Variants in PCBP3 observed in about 807,000 individuals in gnomAD.
The protein encoded by PCBP3 is poly(rC) binding protein 3, also known as poly(rC)-binding protein 3.
Under a neutral mutation model 52.7 loss-of-function variants are expected in PCBP3, and 25 were observed. The ratio of observed to expected loss-of-function variants is 0.47; its 90% CI spans 0.35 to 0.66. The LOEUF is 0.66. Among genes scored for constraint, PCBP3 ranks in the 30% least tolerant of loss-of-function variants. The pLI, the probability that PCBP3 is intolerant of heterozygous loss-of-function variation, is 0.01. For synonymous variants in PCBP3, 162 were observed against 183.0 expected (o/e 0.89, Z 0.93); for missense variants, 391 against 490.3 (o/e 0.80, Z 1.91).
At chr21:45,779,089 C>T (rs1311363579) in intron 4 of PCBP3, among the ~76,000 whole-genome samples, 3 of 152,254 alleles carry the variant, frequency 2.0e-5, no homozygotes. Context: ...CCAGCAGCGA[C>T]AGCCTGAGTT....
intron 2 of PCBP3, among the ~76,000 whole-genome samples, chr21:45,713,905 G>A (rs1256232279): frequency 6.6e-6 from 1 of 152,362 alleles, no homozygotes; most frequent in East Asian, 1.9e-4. Context: ...TCTTATGAAA[G>A]GGGCCTGTTG....
chr21:45,743,159 G>T (rs1226843920), intron 3 of PCBP3, among the ~76,000 whole-genome samples: 1 of 151,926 alleles, frequency 6.6e-6, no homozygotes, highest in Non-Finnish European at 1.5e-5. Flanking sequence ...TGTGTTATTT[G>T]GTTATTGTAA....
At chr21:45,869,026 T>C (rs2094885702) in intron 5 of PCBP3, among the ~76,000 whole-genome samples, 1 of 152,244 alleles carries the variant, frequency 6.6e-6, no homozygotes, top group African/African-American at 2.4e-5. Flanking sequence ...ACCTGTGCGG[T>C]ATTTAGGGTT....
chr21:45,792,747 A>T (rs2091689030), intron 4 of PCBP3, among the ~76,000 whole-genome samples: 2 of 152,170 alleles, frequency 1.3e-5, no homozygotes, highest in African/African-American at 4.8e-5. Flanking sequence ...AGAAGAGTGG[A>T]AGTTAGGACG....
intron 2 of PCBP3, among the ~76,000 whole-genome samples, chr21:45,693,686 A>C (rs2147837249): frequency 6.6e-6 from 1 of 152,304 alleles, no homozygotes; most frequent in Non-Finnish European, 1.5e-5. Context: ...CTAGAATTCT[A>C]TACTCAGTGA....
chr21:45,888,069 G>C (rs1291660866), intron 5 of PCBP3, among the ~76,000 whole-genome samples: 2 of 152,202 alleles, frequency 1.3e-5, no homozygotes, highest in African/African-American at 4.8e-5. Context: ...GGAGCACTGG[G>C]GTCCTCACAC....
chr21:45,918,617 CGTCGGTGTA>C (rs2073912725), intron 13 of PCBP3: 3 of 131,416 alleles, frequency 2.3e-5, no homozygotes, highest in African/African-American at 3.2e-5. Flanking sequence ...TCAGATAAAC[CGTCGGTGTA>C]ATTCCAGTGC....
chr21:45,789,824 A>G (rs541367714), intron 4 of PCBP3, among the ~76,000 whole-genome samples: 1 of 152,200 alleles, frequency 6.6e-6, no homozygotes, highest in Non-Finnish European at 1.5e-5. Context: ...TTCTCGCCAA[A>G]TCGCTCTGGT....
At chr21:45,860,782 G>A (rs750128610) in intron 5 of PCBP3, among the ~76,000 whole-genome samples, 15 of 152,172 alleles carry the variant, frequency 9.9e-5, no homozygotes, top group Non-Finnish European at 1.9e-4. Context: ...GTGCCCCTCC[G>A]GCCGGCAGCG....
Position 45,917,451 on chromosome 21 carries a change from T to C in PCBP3, c.676-137T>C. 1.5e-6 allele frequency: 1 copy of C among 650,396 alleles called. No homozygotes were observed. The highest frequency in any genetic ancestry group is 2.7e-6 in the Non-Finnish European group (1 of 367,412). The allele number at this position is 650,396 out of a possible 1,614,324, so 40.3% of individuals were successfully genotyped here. A position where few individuals can be genotyped will look rare whatever the true frequency, so the allele number is the denominator to read the frequency against. ...CCCTGGGAGGGTTGGCCCTTTGTCC[T>C]AGGATGGGGACAGGTGGAGAGGCAC... On this transcript the variant is annotated intron_variant, in intron 12 of 17. Transcript: ENST00000681687. This position sits in a 1 kb window ranked among gnomAD's most constrained non-coding sequence, Gnocchi z 5.3.
intron 5 of PCBP3, among the ~76,000 whole-genome samples, chr21:45,881,625 C>G (rs2095407810): frequency 6.6e-6 from 1 of 152,158 alleles, no homozygotes; most frequent in Non-Finnish European, 1.5e-5. Context: ...ATACATTGTT[C>G]TTACCCATAG....
In PCBP3 at chr21:45,777,870, T is replaced by C. The variant is rs145130365; in HGVS notation, c.-126+22418T>C. 3.1e-4 allele frequency among the ~76,000 whole-genome samples: 47 copies of C among 152,178 alleles called. 1 individual carries two copies. The highest frequency in any genetic ancestry group is 1.1e-3 in the African/African-American group (45 of 41,590). On this transcript the variant is annotated intron_variant, in intron 4 of 17. Transcript: ENST00000681687. The stretch of plus-strand genomic sequence containing the variant: ...TCTCTTGTATCTCACTGAGCTTCCT[T>C]AAAATCAATATTTTGAATTCTTTAT...
intron 4 of PCBP3, among the ~76,000 whole-genome samples, chr21:45,847,329 G>T (rs571038010): frequency 1.1e-4 from 17 of 152,082 alleles, no homozygotes; most frequent in Admixed American, 9.2e-4. Flanking sequence ...TGATTTATTT[G>T]CTGTATTTTT....
intron 1 of PCBP3, among the ~76,000 whole-genome samples, chr21:45,668,142 G>A (rs1446818992): frequency 6.6e-6 from 1 of 152,096 alleles, no homozygotes; most frequent in African/African-American, 2.4e-5. Context: ...GGGCACTCCA[G>A]TTTCTTTTCT....
intron 3 of PCBP3, chr21:45,749,949 C>A (rs2087269598): frequency 6.6e-6 from 1 of 152,266 alleles, no homozygotes; most frequent in South Asian, 2.1e-4. Flanking sequence ...GGAACATTTT[C>A]CACAGCCTTT....
At chr21:45,709,279 A>G (rs1480121303) in intron 2 of PCBP3, among the ~76,000 whole-genome samples, 3 of 152,224 alleles carry the variant, frequency 2.0e-5, no homozygotes, top group Non-Finnish European at 4.4e-5. Context: ...GGCAAGGCTG[A>G]CATTTTCTGC....
rs1238929882 is a variant in PCBP3 at position 45,934,806 on chromosome 21, TC to T, written c.857-446del. Among the ~76,000 whole-genome samples, 4 of 152,144 alleles carry T rather than the reference TC, an allele frequency of 2.6e-5. No homozygotes were observed. In the East Asian group the frequency reaches 7.7e-4, roughly 29 times the overall value. ...CGTGTGGGCCTCAGAACCAGTGGTG[TC>T]TCCTGAGAACTAAGGGAAAATGGGC... On this transcript the variant is annotated intron_variant, in intron 15 of 17. Transcript: ENST00000681687.
At chr21:45,713,570 C>A (rs1202957483) in intron 2 of PCBP3, among the ~76,000 whole-genome samples, 1 of 152,214 alleles carries the variant, frequency 6.6e-6, no homozygotes, top group East Asian at 1.9e-4. Flanking sequence ...TTACTTTGCA[C>A]ATGGTTATGC....
intron 4 of PCBP3, among the ~76,000 whole-genome samples, chr21:45,774,160 T>G (rs2090082366): frequency 6.6e-6 from 1 of 151,960 alleles, no homozygotes; most frequent in African/African-American, 2.4e-5. Flanking sequence ...ATCCTAGCAC[T>G]TTGGGAAGCT....
Sources: gnomAD v4.1 joint callset for allele counts (sites outside exome capture counted in the v4.1 genomes callset) on GRCh38, gnomAD v4.1.1 for gene constraint, Gnocchi (gnomAD v3.1) non-coding constraint, MANE v1.5 for transcripts, NCBI Gene and HGNC (gene_info 2026-07-23, HGNC 2026-07-21) for gene names.